Variants in SATB2 observed in about 807,000 individuals in gnomAD.
SATB2 encodes the protein SATB homeobox 2, also known as DNA-binding protein SATB2.
In SATB2, 1 loss-of-function variant was observed where a neutral mutation model predicts 73.4. The ratio of observed to expected loss-of-function variants is 0.01; its 90% CI spans 0.00 to 0.06. The LOEUF is 0.06. Ranked by LOEUF, SATB2 falls within the 10% of genes least tolerant of loss-of-function variation. The pLI, the probability that SATB2 is intolerant of heterozygous loss-of-function variation, is 1.00. For synonymous variants in SATB2, 397 were observed against 367.0 expected (o/e 1.08, Z -0.93); for missense variants, 459 against 945.8 (o/e 0.49, Z 6.75).
intron 6 of SATB2, among the ~76,000 whole-genome samples, chr2:199,355,857 G>T (rs571473353): frequency 6.6e-6 from 1 of 152,134 alleles, no homozygotes; most frequent in South Asian, 2.1e-4. Flanking sequence ...TTTATATAGT[G>T]GCAATAGCAA....
intron 8 of SATB2, among the ~76,000 whole-genome samples, chr2:199,324,585 C>A (rs1164806077): frequency 6.6e-6 from 1 of 152,066 alleles, no homozygotes; most frequent in African/African-American, 2.4e-5. Flanking sequence ...TTTTCATTTT[C>A]TTAAACTCAT....
rs1248957020 is a variant in SATB2, at chr2:199,381,789, G to A, written c.378C>T (p.Leu126=). The change falls in exon 4 of 11, where the codon CTC becomes CTT. Residue 126 remains leucine, a synonymous_variant. Transcript: ENST00000417098. ...GTGCATCTGTCACATAACTGAGGGGGAGAGGGTTCCACCTTCCCAGCTTGA... is the reference window on the plus strand; with the variant it reads ...GTGCATCTGTCACATAACTGAGGGGAAGAGGGTTCCACCTTCCCAGCTTGA... ...GIIKLGRWNP[L]PLSYVTDAPD... 3.1e-6 allele frequency: 5 copies of A among 1,613,864 alleles called. No individual in the cohort carries two copies. Among genetic ancestry groups the A allele is most frequent in the Non-Finnish European group, 3.4e-6 (4 of 1,179,890 alleles).
chr2:199,364,553 T>C (rs764232403), intron 6 of SATB2, among the ~76,000 whole-genome samples: 4 of 152,154 alleles, frequency 2.6e-5, no homozygotes, highest in Non-Finnish European at 4.4e-5. Context: ...TCTTGGGCAA[T>C]GACTGAGAAA....
At chr2:199,348,581 T>C (rs1688721979) in intron 7 of SATB2, 120 bp downstream of exon 7, 1 of 796,750 alleles carries the variant, frequency 1.3e-6, no homozygotes, top group South Asian at 1.5e-5. Context: ...GGATTATTAA[T>C]TAATCTAATT....
At chr2:199,368,229 A>G (rs1218608671) in intron 6 of SATB2, among the ~76,000 whole-genome samples, 4 of 152,134 alleles carry the variant, frequency 2.6e-5, no homozygotes, top group African/African-American at 9.7e-5. Flanking sequence ...CAGGAACACA[A>G]CATCAAACTC....
chr2:199,450,355 TCCAAAA>T (rs1692088179), intron 2 of SATB2, among the ~76,000 whole-genome samples: 2 of 152,124 alleles, frequency 1.3e-5, no homozygotes, highest in African/African-American at 4.8e-5. Flanking sequence ...TTAAATATGT[TCCAAAA>T]TGCCATTGTA....
chr2:199,420,806 T>C (rs907823182), intron 3 of SATB2, among the ~76,000 whole-genome samples: 14 of 152,222 alleles, frequency 9.2e-5, no homozygotes, highest in African/African-American at 3.4e-4. Flanking sequence ...TAATGTAATA[T>C]GTTAAATCGA....
rs1692529769 is a variant in SATB2, at chr2:199,463,655, A to G, written c.-141+1181T>C. Among the ~76,000 whole-genome samples, 1 of 152,074 alleles carries G rather than the reference A, an allele frequency of 6.6e-6. No homozygotes were observed. Among genetic ancestry groups the G allele is most frequent in the African/African-American group, 2.4e-5 (1 of 41,420 alleles). On this transcript the variant is annotated intron_variant, in intron 1 of 11. Coordinates refer to the SATB2 transcript ENST00000260926. This position sits in a 1 kb window ranked among gnomAD's most constrained non-coding sequence, Gnocchi z 6.4. ...AACCCTTCCGCGTCGCCTGCAGTCCACGGGTTAAGGATGTGGCGGGGGATG... is the reference window on the plus strand; with the variant it reads ...AACCCTTCCGCGTCGCCTGCAGTCCGCGGGTTAAGGATGTGGCGGGGGATG...
intron 3 of SATB2, among the ~76,000 whole-genome samples, chr2:199,414,972 C>G (rs1381616115): frequency 6.6e-6 from 1 of 152,074 alleles, no homozygotes; most frequent in Non-Finnish European, 1.5e-5. Context: ...AAGGCCACCC[C>G]ACATGCAGCA....
chr2:199,274,843 G>C (rs1356506762), intron 10 of SATB2, among the ~76,000 whole-genome samples: 2 of 151,846 alleles, frequency 1.3e-5, no homozygotes, highest in South Asian at 4.2e-4. Flanking sequence ...GATGGGGGGT[G>C]GGGGGACTGG....
rs761478073 is a variant in SATB2, at chr2:199,272,941, G to C, written c.1741-269C>G. Among the ~76,000 whole-genome samples the C allele has an allele frequency of 6.6e-6, 1 of 151,892 alleles. No homozygotes were observed. The highest frequency in any genetic ancestry group is 1.5e-5 in the Non-Finnish European group (1 of 67,990). ...TATTGCCTAAGGTCATCTCACTTTA[G>C]GCAACCTGGCTTCAGAGTCTTCTAT... is the stretch of plus-strand genomic sequence containing the variant. On this transcript the variant is annotated intron_variant, in intron 10 of 10. Coordinates refer to ENST00000417098, the MANE Select transcript of SATB2 (RefSeq NM_001172509.2). The surrounding 1 kb of genome is among the most constrained non-coding windows in gnomAD (Gnocchi z 6.7).
chr2:199,351,681 G>A (rs765022733), intron 6 of SATB2, among the ~76,000 whole-genome samples: 1 of 151,856 alleles, frequency 6.6e-6, no homozygotes, highest in Non-Finnish European at 1.5e-5. Context: ...GAAAAAAAAG[G>A]TAAAGAGACC....
At position 199,291,734 on chromosome 2, in the gene SATB2, G is replaced by A. The variant is rs888033193; in HGVS notation, c.1740+17026C>T. 3.3e-5 allele frequency among the ~76,000 whole-genome samples: 5 copies of A among 151,916 alleles called. No individual in the cohort carries two copies. In the South Asian group the frequency reaches 1.0e-3, roughly 32 times the overall value. Reference sequence around the variant, plus strand: ...TTGAGACCAGCCTGGCCAGCGTGGCGAAACCTAGTCACCACTAAAAATACA... The same window carrying A: ...TTGAGACCAGCCTGGCCAGCGTGGCAAAACCTAGTCACCACTAAAAATACA... On this transcript the variant is annotated intron_variant, in intron 10 of 10. Transcript: ENST00000417098.
chr2:199,443,591 C>T (rs1040830338), intron 2 of SATB2, among the ~76,000 whole-genome samples: 1 of 149,466 alleles, frequency 6.7e-6, no homozygotes, highest in Non-Finnish European at 1.5e-5. Flanking sequence ...ATCCTACTGT[C>T]TATGTTTAGA....
At chr2:199,440,173 A>C (rs1691773691) in intron 2 of SATB2, among the ~76,000 whole-genome samples, 1 of 152,144 alleles carries the variant, frequency 6.6e-6, no homozygotes, top group South Asian at 2.1e-4. Context: ...AGAAAGAAAG[A>C]ATAGGGTGTT....
chr2:199,321,187 T>C (rs962066654), intron 9 of SATB2, among the ~76,000 whole-genome samples: 1 of 152,024 alleles, frequency 6.6e-6, no homozygotes, highest in Admixed American at 6.6e-5. Context: ...TTGAAAAGGT[T>C]AAGTCCTATG....
chr2:199,359,695 G>A (rs1200767459), intron 6 of SATB2, among the ~76,000 whole-genome samples: 1 of 152,112 alleles, frequency 6.6e-6, no homozygotes, highest in Non-Finnish European at 1.5e-5. Context: ...ACAGAAAATG[G>A]ATATGTTCCT....
intron 3 of SATB2, among the ~76,000 whole-genome samples, chr2:199,395,088 CT>C (rs548201582): frequency 3.0e-4 from 44 of 146,124 alleles, no homozygotes; most frequent in Admixed American, 4.8e-4. Flanking sequence ...GTCTAATTTT[CT>C]TTTTTTTTTT....
chr2:199,352,710 A>G (rs1450126044), intron 6 of SATB2, among the ~76,000 whole-genome samples: 1 of 152,188 alleles, frequency 6.6e-6, no homozygotes, highest in Non-Finnish European at 1.5e-5. Context: ...TGGAGGAGGG[A>G]AAGTCTAACC....
Sources: gnomAD v4.1 joint callset for allele counts (sites outside exome capture counted in the v4.1 genomes callset) on GRCh38, gnomAD v4.1.1 for gene constraint, Gnocchi (gnomAD v3.1) non-coding constraint, MANE v1.5 for transcripts, NCBI Gene and HGNC (gene_info 2026-07-23, HGNC 2026-07-21) for gene names.